Variants in ADAMTS6 observed in about 807,000 individuals in gnomAD.
The protein encoded by ADAMTS6 is A disintegrin and metalloproteinase with thrombospondin motifs 6.
In ADAMTS6, 23 loss-of-function variants were observed where a neutral mutation model predicts 144.3. That is an observed-to-expected ratio of 0.16 (90% confidence interval 0.11 to 0.23). The LOEUF (loss-of-function observed/expected upper bound fraction) is 0.23. Ranked by LOEUF, ADAMTS6 falls within the 10% of genes least tolerant of loss-of-function variation. The pLI is 1.00. For synonymous variants in ADAMTS6, 444 were observed against 457.5 expected (o/e 0.97, Z 0.38); for missense variants, 999 against 1,379.6 (o/e 0.72, Z 4.37).
chr5:65,152,419 G>A (rs892941374), intron 24 of ADAMTS6, among the ~76,000 whole-genome samples: 5 of 151,978 alleles, frequency 3.3e-5, no homozygotes, highest in Admixed American at 6.6e-5. Flanking sequence ...TCTGTGAGGC[G>A]TGGGGATGGG....
chr5:65,268,084 A>G (rs529045215), intron 12 of ADAMTS6, among the ~76,000 whole-genome samples: 71 of 152,342 alleles, frequency 4.7e-4, no homozygotes, highest in African/African-American at 1.6e-3. Context: ...TAAGTAAATT[A>G]AGAACTAAGG....
At chr5:65,432,569 A>G (rs1274667697) in intron 7 of ADAMTS6, among the ~76,000 whole-genome samples, 4 of 151,914 alleles carry the variant, frequency 2.6e-5, no homozygotes, top group Non-Finnish European at 5.9e-5. Context: ...TGCCAGGAAC[A>G]TTTTTCGAAT....
chr5:65,341,749 T>C (rs1747845625), intron 7 of ADAMTS6, among the ~76,000 whole-genome samples: 1 of 152,106 alleles, frequency 6.6e-6, no homozygotes, highest in Non-Finnish European at 1.5e-5. Flanking sequence ...TCACCACTGA[T>C]TTCTAACAAA....
intron 7 of ADAMTS6, among the ~76,000 whole-genome samples, chr5:65,433,459 A>G (rs62368967): frequency 0.057 from 8,628 of 152,244 alleles, 351 homozygotes; most frequent in Non-Finnish European, 0.084. Context: ...ATTATGCAGC[A>G]TATCTATTGA....
chr5:65,197,234 A>G, intron 20 of ADAMTS6, 83 bp from the exon 21 acceptor site: 1 of 1,446,650 alleles, frequency 6.9e-7, no homozygotes, highest in Non-Finnish European at 9.4e-7. Flanking sequence ...TCTGTGGGGA[A>G]TTGACCTCAC....
At chr5:65,207,532 G>A (rs1756192049) in intron 20 of ADAMTS6, among the ~76,000 whole-genome samples, 1 of 152,126 alleles carries the variant, frequency 6.6e-6, no homozygotes, top group East Asian at 1.9e-4. Context: ...CCTAAGCATT[G>A]TATAATATTA....
In ADAMTS6 at chr5:65,233,527, C is replaced by G. The variant is rs564293298; in HGVS notation, c.1934-7308G>C. Among the ~76,000 whole-genome samples, 7 of 152,086 alleles carry G rather than the reference C, an allele frequency of 4.6e-5. No homozygotes were observed. The South Asian group carries it at 1.5e-3, about 32-fold the overall frequency. On this transcript the variant is annotated intron_variant, in intron 15 of 24. Coordinates refer to ENST00000381055, the MANE Select transcript of ADAMTS6 (RefSeq NM_197941.4). The stretch of plus-strand genomic sequence containing the variant: ...TCAACATACAAAAATCAGTCCATTT[C>G]TATACACTAACAATTAATTACATAA...
rs142640652 is a variant in ADAMTS6 at position 65,322,258 on chromosome 5, T to A, written c.1223+7120A>T. Among the ~76,000 whole-genome samples the A allele has an allele frequency of 5.4e-3, 830 of 152,318 alleles. 7 individuals carry two copies. The highest frequency in any genetic ancestry group is 0.019 in the African/African-American group (779 of 41,574). ...GTTCTTGTACCAGTACCATGCTGTT[T>A]TGGTTACTGTAGCCCTGTAGCACAG... On this transcript the variant is annotated intron_variant, in intron 9 of 24. Transcript: ENST00000381055.
At chr5:65,376,988 G>A (rs894356939) in intron 7 of ADAMTS6, among the ~76,000 whole-genome samples, 1 of 151,928 alleles carries the variant, frequency 6.6e-6, no homozygotes, top group African/African-American at 2.4e-5. Context: ...AGGGGTGAGA[G>A]TATCCCCCCT....
chr5:65,360,803 A>G (rs1749759533), intron 7 of ADAMTS6, among the ~76,000 whole-genome samples: 1 of 152,236 alleles, frequency 6.6e-6, no homozygotes, highest in Admixed American at 6.5e-5. Context: ...AGTTCAAAAG[A>G]AGAAGCAAAA....
At chr5:65,245,428 C>G (rs1279728861) in intron 14 of ADAMTS6, among the ~76,000 whole-genome samples, 1 of 152,140 alleles carries the variant, frequency 6.6e-6, no homozygotes, top group African/African-American at 2.4e-5. Flanking sequence ...CCCTATGATT[C>G]CAGCTTCTGC....
intron 22 of ADAMTS6, among the ~76,000 whole-genome samples, chr5:65,186,522 C>T (rs1249637267): frequency 1.3e-5 from 2 of 152,140 alleles, no homozygotes; most frequent in Non-Finnish European, 2.9e-5. Flanking sequence ...TTATGATTTT[C>T]CCATAACAAA....
intron 7 of ADAMTS6, among the ~76,000 whole-genome samples, chr5:65,447,611 A>G (rs999079577): frequency 6.6e-6 from 1 of 152,096 alleles, no homozygotes; most frequent in Non-Finnish European, 1.5e-5. Context: ...TGTCAAGTAA[A>G]GAATATTAAT....
In ADAMTS6 at chr5:65,315,689, T is replaced by C. The variant is rs191686337; in HGVS notation, c.1223+13689A>G. Reference sequence around the variant, plus strand: ...ATGCTAACACTAATCTAAAGAAAACTGGGGTAGCTATATTAATGTGAGACA... The same window carrying C: ...ATGCTAACACTAATCTAAAGAAAACCGGGGTAGCTATATTAATGTGAGACA... On this transcript the variant is annotated intron_variant, in intron 9 of 24. Transcript: ENST00000381055. Among the ~76,000 whole-genome samples the C allele has an allele frequency of 6.5e-4, 99 of 151,950 alleles. 4 individuals carry two copies. The highest frequency in any genetic ancestry group is 2.4e-3 in the African/African-American group (99 of 41,304).
chr5:65,381,548 T>TTTTC (rs1479123412), intron 7 of ADAMTS6, among the ~76,000 whole-genome samples: 13 of 144,824 alleles, frequency 9.0e-5, no homozygotes, highest in Admixed American at 8.3e-4. Flanking sequence ...TTTTTTTTTT[T>TTTTC]TTTTTTTTTG....
chr5:65,398,705 CTG>C (rs1295726859), intron 7 of ADAMTS6, among the ~76,000 whole-genome samples: 1 of 148,834 alleles, frequency 6.7e-6, no homozygotes, highest in African/African-American at 2.5e-5. Context: ...GAGCGAGACT[CTG>C]TCAGAAAGAG....
chr5:65,351,820 G>T (rs1748874546), intron 7 of ADAMTS6, among the ~76,000 whole-genome samples: 1 of 151,548 alleles, frequency 6.6e-6, no homozygotes, highest in Non-Finnish European at 1.5e-5. Flanking sequence ...AAAAAAAAGA[G>T]AAGAAGAAGA....
chr5:65,179,963 C>A (rs1377804768), intron 22 of ADAMTS6, among the ~76,000 whole-genome samples: 5 of 147,330 alleles, frequency 3.4e-5, no homozygotes, highest in Non-Finnish European at 7.4e-5. Context: ...CACGCGCACA[C>A]ACACACACAC....
Position 65,435,760 on chromosome 5 carries a change from C to T in ADAMTS6, c.1073+15715G>A, listed in dbSNP as rs368238577. Among the ~76,000 whole-genome samples the T allele has an allele frequency of 5.9e-5, 9 of 151,584 alleles. No individual in the cohort carries two copies. In the South Asian group the frequency reaches 6.3e-4, roughly 11 times the overall value. On this transcript the variant is annotated intron_variant, in intron 7 of 24. Transcript: ENST00000381055. ...TCTGCCTCAGCCTCCCGAGTAGCTG[C>T]GATTACAGGCACGTGCCATCACCGT...
Sources: gnomAD v4.1 joint callset for allele counts (sites outside exome capture counted in the v4.1 genomes callset) on GRCh38, gnomAD v4.1.1 for gene constraint, MANE v1.5 for transcripts, NCBI Gene and HGNC (gene_info 2026-07-23, HGNC 2026-07-21) for gene names.